Variants in DENND2B observed in about 807,000 individuals in gnomAD.
DENND2B encodes DENN domain containing 2B, also known as DENN domain-containing protein 2B.
In DENND2B, 32 loss-of-function variants were observed where a neutral mutation model predicts 116.0. That is an observed-to-expected ratio of 0.28 (90% CI 0.21 to 0.37). DENND2B has a LOEUF of 0.37. Among genes scored for constraint, DENND2B ranks in the 10% least tolerant of loss-of-function variants. The pLI is 1.00. For missense variants in DENND2B, 1,276 were observed against 1,477.7 expected (o/e 0.86, Z 2.24); for synonymous variants, 588 against 583.9 (o/e 1.01, Z -0.10).
At chr11:8,873,522 T>C (rs111961620), upstream of DENND2B, among the ~76,000 whole-genome samples, 492 of 152,374 alleles carry the variant, frequency 3.2e-3, 4 homozygotes, top group African/African-American at 0.011. Flanking sequence ...TAGTTCATCT[T>C]AATACTGGCC....
intron 3 of DENND2B, among the ~76,000 whole-genome samples, chr11:8,844,635 T>C (rs1164451988): frequency 6.6e-6 from 1 of 152,144 alleles, no homozygotes; most frequent in Non-Finnish European, 1.5e-5. Context: ...GATCAACCTA[T>C]ACTTCTCTGC....
chr11:8,738,336 T>C (rs991883895), intron 2 of DENND2B, among the ~76,000 whole-genome samples: 1 of 152,226 alleles, frequency 6.6e-6, no homozygotes, highest in Admixed American at 6.5e-5. Flanking sequence ...TCTCACTAAA[T>C]GCTCTTCTCA....
intron 4 of DENND2B, among the ~76,000 whole-genome samples, chr11:8,824,827 A>G (rs1209629572): frequency 1.3e-5 from 2 of 149,822 alleles, no homozygotes; most frequent in Non-Finnish European, 3.0e-5. Context: ...AGCTAGGACT[A>G]CAGGCGCACA....
At chr11:8,890,364 C>T (rs1246998544) in intron 1 of DENND2B, among the ~76,000 whole-genome samples, 1 of 152,158 alleles carries the variant, frequency 6.6e-6, no homozygotes, top group Non-Finnish European at 1.5e-5. Context: ...CGAAGCTCCT[C>T]GCCAGCAACA....
intron 3 of DENND2B, among the ~76,000 whole-genome samples, chr11:8,854,330 TA>T (rs2063120905): frequency 6.6e-6 from 1 of 151,924 alleles, no homozygotes; most frequent in African/African-American, 2.4e-5. Context: ...GCCTCCCAAG[TA>T]GCTGAGATTA....
chr11:8,704,649 T>C (rs985185811), intron 13 of DENND2B, among the ~76,000 whole-genome samples: 1 of 152,248 alleles, frequency 6.6e-6, no homozygotes, highest in Non-Finnish European at 1.5e-5. Context: ...TTCCCTCTCC[T>C]AGAACCCAAC....
At chr11:8,888,109 C>A (rs962807603) in intron 1 of DENND2B, among the ~76,000 whole-genome samples, 1 of 152,190 alleles carries the variant, frequency 6.6e-6, no homozygotes, top group African/African-American at 2.4e-5. Flanking sequence ...TATTTTGGAA[C>A]TCTAGAGTCT....
chr11:8,868,673 A>G (rs1811367), intron 2 of DENND2B, among the ~76,000 whole-genome samples: 31,760 of 152,254 alleles, frequency 0.21, 3,805 homozygotes, highest in Middle Eastern at 0.37. Context: ...GAAGGATGAA[A>G]GAGAGAGCTG....
chr11:8,870,818 C>T (rs2063758416), intron 2 of DENND2B: 1 of 152,250 alleles, frequency 6.6e-6, no homozygotes, highest in Non-Finnish European at 1.5e-5. Flanking sequence ...TGCGGCGGCC[C>T]CCACGCGCGT....
At chr11:8,744,130 A>C in intron 2 of DENND2B, among the ~76,000 whole-genome samples, 1 of 150,632 alleles carries the variant, frequency 6.6e-6, no homozygotes, top group South Asian at 2.1e-4. Flanking sequence ...GAAACCCATG[A>C]AGTTTTTTTT....
At chr11:8,775,689 C>T (rs2057527904) in intron 1 of DENND2B, among the ~76,000 whole-genome samples, 2 of 152,170 alleles carry the variant, frequency 1.3e-5, no homozygotes, top group African/African-American at 4.8e-5. Context: ...GGAGCCATTT[C>T]TTCTTTAACC....
intron 1 of DENND2B, among the ~76,000 whole-genome samples, chr11:8,889,482 C>A (rs1257664005): frequency 6.6e-6 from 1 of 152,234 alleles, no homozygotes; most frequent in East Asian, 1.9e-4. Flanking sequence ...TCAGGGAATT[C>A]CCTTTCCTAG....
At chr11:8,727,878 A>G (rs2047350081) in intron 3 of DENND2B, among the ~76,000 whole-genome samples, 1 of 151,570 alleles carries the variant, frequency 6.6e-6, no homozygotes. Context: ...GTCTCTCATT[A>G]AAACTAATAG....
At chr11:8,839,834 G>A (rs958227786) in intron 3 of DENND2B, among the ~76,000 whole-genome samples, 2 of 152,208 alleles carry the variant, frequency 1.3e-5, no homozygotes, top group Non-Finnish European at 2.9e-5. Flanking sequence ...GTTTTGTTAG[G>A]AAGGAGTGCT....
At chr11:8,797,934 G>C (rs949372347) in intron 1 of DENND2B, among the ~76,000 whole-genome samples, 1 of 152,060 alleles carries the variant, frequency 6.6e-6, no homozygotes, top group African/African-American at 2.4e-5. Context: ...CCTACCTCAG[G>C]AGCTTTGACA....
At position 8,867,985 on chromosome 11, in the gene DENND2B, A is replaced by T. The variant is rs115128753; in HGVS notation, c.-250+2969T>A. Among the ~76,000 whole-genome samples, 721 of 151,496 alleles carry T rather than the reference A, an allele frequency of 4.8e-3. 9 individuals are homozygous for T. The highest frequency in any genetic ancestry group is 0.017 in the African/African-American group (708 of 41,294). The stretch of plus-strand genomic sequence containing the variant: ...GAAAAGCTTTTAAACAAATTACAAC[A>T]TTGATCTACCTCTCAGGGTAGTCAT... On this transcript the variant is annotated intron_variant, in intron 2 of 6. Coordinates refer to the DENND2B transcript ENST00000524757.
At chr11:8,797,846 C>T (rs189001911) in intron 1 of DENND2B, among the ~76,000 whole-genome samples, 176 of 152,276 alleles carry the variant, frequency 1.2e-3, no homozygotes, top group Non-Finnish European at 1.8e-3. Flanking sequence ...CCACCATCCT[C>T]CACCCCGACA....
intron 4 of DENND2B, among the ~76,000 whole-genome samples, chr11:8,724,112 G>A (rs753385247): frequency 7.9e-5 from 12 of 152,232 alleles, no homozygotes; most frequent in South Asian, 4.1e-4. Flanking sequence ...TGGCTAACAC[G>A]GTGAAACCCT....
At chr11:8,795,580 A>G (rs2059746565) in intron 1 of DENND2B, among the ~76,000 whole-genome samples, 1 of 152,124 alleles carries the variant, frequency 6.6e-6, no homozygotes, top group African/African-American at 2.4e-5. Flanking sequence ...GCCCACCCTG[A>G]GACTTCCCTT....
Sources: gnomAD v4.1 joint callset for allele counts (sites outside exome capture counted in the v4.1 genomes callset) on GRCh38, gnomAD v4.1.1 for gene constraint, MANE v1.5 for transcripts, NCBI Gene and HGNC (gene_info 2026-07-23, HGNC 2026-07-21) for gene names.